Variants in SPOCK3 observed in about 807,000 individuals in gnomAD.
The protein encoded by SPOCK3 is testican-3.
A neutral mutation model predicts 56.6 loss-of-function variants in SPOCK3; 30 were observed. The ratio of observed to expected loss-of-function variants is 0.53; its 90% CI spans 0.40 to 0.72. SPOCK3 has a LOEUF of 0.72. SPOCK3 is among the 30% of genes least tolerant of loss of function. SPOCK3 has a pLI of 0.00. For missense variants in SPOCK3, 527 were observed against 530.0 expected (o/e 0.99, Z 0.06); for synonymous variants, 196 against 183.3 (o/e 1.07, Z -0.56).
intron 8 of SPOCK3, among the ~76,000 whole-genome samples, chr4:166,744,086 G>A (rs1735240764): frequency 6.6e-6 from 1 of 152,178 alleles, no homozygotes; most frequent in South Asian, 2.1e-4. Context: ...GTCCCTGTCT[G>A]ACAGCTTTGA....
intron 6 of SPOCK3, among the ~76,000 whole-genome samples, chr4:166,869,402 T>C (rs1306330809): frequency 1.3e-5 from 2 of 152,086 alleles, no homozygotes; most frequent in African/African-American, 2.4e-5. Context: ...GGAGCACAGC[T>C]TTTTGGCATA....
chr4:166,768,048 T>C (rs1289044668), intron 7 of SPOCK3, among the ~76,000 whole-genome samples: 3 of 152,076 alleles, frequency 2.0e-5, no homozygotes, highest in Non-Finnish European at 2.9e-5. Flanking sequence ...CTGGTAGATC[T>C]TCCTCCATCC....
At chr4:167,174,068 A>G (rs1481815613) in intron 2 of SPOCK3, among the ~76,000 whole-genome samples, 1 of 152,134 alleles carries the variant, frequency 6.6e-6, no homozygotes, top group African/African-American at 2.4e-5. Flanking sequence ...TTGTTTTTTA[A>G]TAGCTTCAGA....
At chr4:166,937,523 TTA>T (rs1479042354) in intron 4 of SPOCK3, among the ~76,000 whole-genome samples, 5 of 148,142 alleles carry the variant, frequency 3.4e-5, no homozygotes, top group South Asian at 4.2e-4. Context: ...AAGCATATAT[TTA>T]TATGTTATAT....
intron 6 of SPOCK3, among the ~76,000 whole-genome samples, chr4:166,832,858 G>A (rs1239131869): frequency 2.0e-5 from 3 of 152,126 alleles, no homozygotes; most frequent in Non-Finnish European, 2.9e-5. Flanking sequence ...TACTGGGTAA[G>A]CATGGACATA....
intron 3 of SPOCK3, among the ~76,000 whole-genome samples, chr4:167,033,216 C>T (rs914567094): frequency 2.0e-5 from 3 of 151,492 alleles, no homozygotes; most frequent in Admixed American, 2.0e-4. Flanking sequence ...GAATTCTTCC[C>T]TAGTGCCAAA....
chr4:167,198,936 T>C (rs1423022023), intron 2 of SPOCK3, among the ~76,000 whole-genome samples: 2 of 152,048 alleles, frequency 1.3e-5, no homozygotes, highest in African/African-American at 4.8e-5. Flanking sequence ...AGAAAACATA[T>C]TAGGTAGTAG....
intron 2 of SPOCK3, among the ~76,000 whole-genome samples, chr4:167,082,435 T>G (rs1561196960): frequency 6.6e-6 from 1 of 152,058 alleles, no homozygotes; most frequent in South Asian, 2.1e-4. Flanking sequence ...ATTGTCTGTT[T>G]GTAAATAAAG....
chr4:167,016,823 G>A (rs948264783), intron 3 of SPOCK3, among the ~76,000 whole-genome samples: 1 of 152,074 alleles, frequency 6.6e-6, no homozygotes, highest in African/African-American at 2.4e-5. Context: ...ATTACAAGGT[G>A]TGAGCCACGG....
At chr4:167,019,132 G>T (rs980128966) in intron 3 of SPOCK3, among the ~76,000 whole-genome samples, 2 of 151,992 alleles carry the variant, frequency 1.3e-5, no homozygotes, top group Non-Finnish European at 2.9e-5. Context: ...AATTTCTCTT[G>T]TAAAACTCAG....
At chr4:167,229,845 A>G (rs1329283723) in intron 2 of SPOCK3, among the ~76,000 whole-genome samples, 3 of 152,142 alleles carry the variant, frequency 2.0e-5, no homozygotes, top group Admixed American at 6.5e-5. Context: ...GATATTAAAC[A>G]TCACTTAAGG....
intron 3 of SPOCK3, among the ~76,000 whole-genome samples, chr4:167,002,072 C>A (rs1360160338): frequency 6.6e-6 from 1 of 152,094 alleles, no homozygotes; most frequent in African/African-American, 2.4e-5. Flanking sequence ...GATTCTCCTG[C>A]CTCAGCCTCC....
At chr4:166,797,865 G>T (rs764966836) in intron 6 of SPOCK3, among the ~76,000 whole-genome samples, 2 of 151,874 alleles carry the variant, frequency 1.3e-5, no homozygotes. Flanking sequence ...ACACCTTTTC[G>T]TTATGTTATA....
At chr4:167,094,409 T>A (rs528698656) in intron 2 of SPOCK3, among the ~76,000 whole-genome samples, 1 of 152,040 alleles carries the variant, frequency 6.6e-6, no homozygotes, top group East Asian at 1.9e-4. Flanking sequence ...ACATATAAAA[T>A]AAGTATATAC....
chr4:167,055,602 T>C (rs1754727789), intron 3 of SPOCK3, among the ~76,000 whole-genome samples: 1 of 152,206 alleles, frequency 6.6e-6, no homozygotes, highest in Admixed American at 6.5e-5. Context: ...CTCACCTGAA[T>C]ACTGCGCTTT....
intron 2 of SPOCK3, among the ~76,000 whole-genome samples, chr4:167,124,952 A>G (rs1046643204): frequency 2.0e-5 from 3 of 152,090 alleles, no homozygotes; most frequent in Non-Finnish European, 4.4e-5. Flanking sequence ...CCTCGGCCCA[A>G]TATCTGCATG....
chr4:167,120,987 C>A (rs1761820861), intron 2 of SPOCK3, among the ~76,000 whole-genome samples: 2 of 151,744 alleles, frequency 1.3e-5, no homozygotes, highest in Admixed American at 6.6e-5. Flanking sequence ...AAATGCCTAA[C>A]TCCACTGGAT....
chr4:167,021,542 G>C (rs1179489552), intron 3 of SPOCK3, among the ~76,000 whole-genome samples: 1 of 151,906 alleles, frequency 6.6e-6, no homozygotes, highest in Non-Finnish European at 1.5e-5. Context: ...GGCAAGGAAG[G>C]CTAAACAGGG....
intron 2 of SPOCK3, among the ~76,000 whole-genome samples, chr4:167,072,393 A>G (rs1246418881): frequency 6.6e-6 from 1 of 152,004 alleles, no homozygotes; most frequent in Admixed American, 6.6e-5. Context: ...AGTAGTTATG[A>G]CTGAGGCCAT....
Sources: gnomAD v4.1 joint callset for allele counts (sites outside exome capture counted in the v4.1 genomes callset) on GRCh38, gnomAD v4.1.1 for gene constraint, MANE v1.5 for transcripts, NCBI Gene and HGNC (gene_info 2026-07-23, HGNC 2026-07-21) for gene names.